Variants in TRAPPC9 observed in about 807,000 individuals in gnomAD.
The protein encoded by TRAPPC9 is trafficking protein particle complex subunit 9, also known as IKK2 binding protein.
A neutral mutation model predicts 124.0 loss-of-function variants in TRAPPC9; 83 were observed. The ratio of observed to expected loss-of-function variants is 0.67; its 90% CI spans 0.56 to 0.80. TRAPPC9 has a LOEUF of 0.80. TRAPPC9 is among the 30% of genes least tolerant of loss of function. TRAPPC9 has a pLI of 0.00. For missense variants in TRAPPC9, 1,302 were observed against 1,508.3 expected, an observed-to-expected ratio of 0.86 and a Z score of 2.27; for synonymous variants, 638 against 617.5, an observed-to-expected ratio of 1.03 and a Z score of -0.49.
chr8:140,155,696 AC>A (rs147386148), intron 17 of TRAPPC9, among the ~76,000 whole-genome samples: 8 of 152,084 alleles, frequency 5.3e-5, no homozygotes, highest in Non-Finnish European at 1.2e-4. Flanking sequence ...TTGACATGGG[AC>A]CCCCTGGCTG....
Position 140,033,658 on chromosome 8 carries a change from G to GTTTTTTGTTTTTTTTTTTTGTTTTTT in TRAPPC9, c.2557-9580_2557-9579insAAAAAACAAAAAAAAAAAACAAAAAA, listed in dbSNP as rs1563706552. ...TTGAAATGCAACTCTTCATAATGTG[G>GTTTTTTGTTTTTTTTTTTTGTTTTTT]TTTTTTTTTTTTTTTTTTTTTTTTT... On this transcript the variant is annotated intron_variant, in intron 17 of 22. Transcript: ENST00000438773. Among the ~76,000 whole-genome samples the GTTTTTTGTTTTTTTTTTTTGTTTTTT allele has an allele frequency of 1.9e-4, 8 of 42,398 alleles. 3 individuals carry two copies. Among genetic ancestry groups the GTTTTTTGTTTTTTTTTTTTGTTTTTT allele is most frequent in the East Asian group, 1.8e-3 (2 of 1,100 alleles). The allele number at this position is 42,398 out of a possible 152,430, so 27.8% of individuals were successfully genotyped here. A position where few individuals can be genotyped will look rare whatever the true frequency, so the allele number is the denominator to read the frequency against.
chr8:139,803,897 ATG>A (rs1243195589), intron 21 of TRAPPC9, among the ~76,000 whole-genome samples: 1 of 152,112 alleles, frequency 6.6e-6, no homozygotes, highest in East Asian at 1.9e-4. Context: ...TGACGTCTAA[ATG>A]TGTCATTTGA....
chr8:140,021,587 A>C (rs1839841216), intron 18 of TRAPPC9, among the ~76,000 whole-genome samples: 2 of 152,148 alleles, frequency 1.3e-5, no homozygotes, highest in South Asian at 4.1e-4. Context: ...ATTTGCTTTT[A>C]TTTCTGATGG....
At chr8:140,428,592 TG>T (rs2132562321) in intron 4 of TRAPPC9, among the ~76,000 whole-genome samples, 1 of 152,032 alleles carries the variant, frequency 6.6e-6, no homozygotes, top group African/African-American at 2.4e-5. Context: ...ATGAAGAGAG[TG>T]GGCCGATGCT....
intron 18 of TRAPPC9, among the ~76,000 whole-genome samples, chr8:140,007,937 G>T (rs892048331): frequency 6.6e-6 from 1 of 152,138 alleles, no homozygotes; most frequent in Non-Finnish European, 1.5e-5. Context: ...GAGATCATTC[G>T]CTAGGAGACA....
intron 21 of TRAPPC9, among the ~76,000 whole-genome samples, chr8:139,832,083 A>C (rs910442797): frequency 6.6e-6 from 1 of 152,186 alleles, no homozygotes; most frequent in Non-Finnish European, 1.5e-5. Context: ...GTCCCCTGCC[A>C]GTAACCAGCT....
chr8:139,925,106 C>T (rs1832728462), intron 19 of TRAPPC9, among the ~76,000 whole-genome samples: 1 of 152,178 alleles, frequency 6.6e-6, no homozygotes, highest in Admixed American at 6.5e-5. Context: ...CTGAGGAATC[C>T]GGGAGTAAAA....
intron 21 of TRAPPC9, among the ~76,000 whole-genome samples, chr8:139,735,763 C>A (rs1818120825): frequency 6.6e-6 from 1 of 151,704 alleles, no homozygotes; most frequent in African/African-American, 2.4e-5. Flanking sequence ...CGCTGGCCTG[C>A]CTGTTTAACC....
intron 19 of TRAPPC9, among the ~76,000 whole-genome samples, chr8:139,955,712 C>T (rs1186763858): frequency 6.6e-6 from 1 of 152,182 alleles, no homozygotes; most frequent in East Asian, 1.9e-4. Flanking sequence ...AATAGGAAAT[C>T]CACCTTTTTC....
intron 8 of TRAPPC9, among the ~76,000 whole-genome samples, chr8:140,361,222 G>A (rs1260683785): frequency 2.0e-5 from 3 of 152,272 alleles, no homozygotes; most frequent in African/African-American, 7.2e-5. Context: ...TGGTTAACAA[G>A]TATTTACTGA....
chr8:140,437,431 C>T (rs2070855519), intron 3 of TRAPPC9, among the ~76,000 whole-genome samples: 1 of 152,032 alleles, frequency 6.6e-6, no homozygotes, highest in South Asian at 2.1e-4. Context: ...AAGAGCAGCT[C>T]GGCCAACATC....
intron 18 of TRAPPC9, among the ~76,000 whole-genome samples, chr8:140,020,498 G>A (rs1839773138): frequency 1.3e-5 from 2 of 152,112 alleles, no homozygotes; most frequent in Admixed American, 6.5e-5. Context: ...GCGGTCCTCT[G>A]CACCTGTAGT....
chr8:139,977,486 C>T (rs1035885648), intron 19 of TRAPPC9, among the ~76,000 whole-genome samples: 3 of 151,532 alleles, frequency 2.0e-5, no homozygotes, highest in African/African-American at 7.2e-5. Flanking sequence ...GGCGTGGTGG[C>T]GGGCGCCTGT....
At chr8:140,183,806 G>T (rs2062262880) in intron 17 of TRAPPC9, among the ~76,000 whole-genome samples, 1 of 149,690 alleles carries the variant, frequency 6.7e-6, no homozygotes, top group African/African-American at 2.5e-5. Context: ...AGTGAGCCAA[G>T]ATCAACTCAC....
At chr8:140,370,752 T>C (rs914796215) in intron 8 of TRAPPC9, among the ~76,000 whole-genome samples, 1 of 152,200 alleles carries the variant, frequency 6.6e-6, no homozygotes, top group Admixed American at 6.5e-5. Context: ...CTCCCACTGA[T>C]AAAGATTCAA....
chr8:139,988,891 C>T (rs1837442359), intron 18 of TRAPPC9, 55 bp from the exon 19 acceptor site: 4 of 1,261,092 alleles, frequency 3.2e-6, no homozygotes, highest in African/African-American at 3.0e-5. Flanking sequence ...AGAGGAATGA[C>T]TTTCCCTTTT....
At chr8:140,385,180 G>A (rs368660194) in intron 7 of TRAPPC9, among the ~76,000 whole-genome samples, 5 of 152,142 alleles carry the variant, frequency 3.3e-5, no homozygotes, top group East Asian at 3.8e-4. Context: ...GTGTGTAGAG[G>A]GAAATTTATA....
chr8:140,071,033 A>T (rs895699118), intron 17 of TRAPPC9, among the ~76,000 whole-genome samples: 2 of 152,252 alleles, frequency 1.3e-5, no homozygotes, highest in African/African-American at 2.4e-5. Context: ...TCGTTCTAGC[A>T]TATTGAGCTT....
intron 16 of TRAPPC9, among the ~76,000 whole-genome samples, chr8:140,239,322 G>GT (rs950172510): frequency 8.5e-5 from 13 of 152,166 alleles, no homozygotes; most frequent in Non-Finnish European, 1.9e-4. Context: ...GGAACAAAGT[G>GT]TAAGAGGGCC....
Sources: gnomAD v4.1 joint callset for allele counts (sites outside exome capture counted in the v4.1 genomes callset) on GRCh38, gnomAD v4.1.1 for gene constraint, MANE v1.5 for transcripts, NCBI Gene and HGNC (gene_info 2026-07-23, HGNC 2026-07-21) for gene names.